ITGB3BP: variants seen among roughly 807,000 people sequenced by gnomAD.
ITGB3BP encodes the protein integrin subunit beta 3 binding protein.
A neutral mutation model predicts 29.1 loss-of-function variants in ITGB3BP; 27 were observed. The ratio of observed to expected loss-of-function variants is 0.93; its 90% CI spans 0.68 to 1.28. The LOEUF is 1.28. Ranked by LOEUF, ITGB3BP falls within the 50% of genes most tolerant of loss-of-function variation. The probability of loss-of-function intolerance (pLI) is 0.00; values close to 1 mark genes in which losing one functional copy is unlikely to be tolerated. For synonymous variants in ITGB3BP, 61 were observed against 61.4 expected (o/e 0.99, Z 0.03); for missense variants, 192 against 200.2 (o/e 0.96, Z 0.25).
At chr1:63,498,608 A>G (rs916413584) in intron 2 of ITGB3BP, among the ~76,000 whole-genome samples, 1 of 151,976 alleles carries the variant, frequency 6.6e-6, no homozygotes, top group Non-Finnish European at 1.5e-5. Flanking sequence ...TAAAAGAGAC[A>G]GCTCTCATAT....
intron 4 of ITGB3BP, among the ~76,000 whole-genome samples, chr1:63,475,541 C>A (rs1371606460): frequency 1.3e-5 from 2 of 152,068 alleles, no homozygotes. Flanking sequence ...GGTGACAGAG[C>A]ATGACTCTGT....
intron 3 of ITGB3BP, among the ~76,000 whole-genome samples, chr1:63,480,260 T>G (rs6677317): frequency 0.75 from 113,293 of 151,940 alleles, 43,890 homozygotes; most frequent in Non-Finnish European, 0.85. Context: ...AAATGTAAGT[T>G]TGTTTGATTT....
intron 7 of ITGB3BP, 90 bp downstream of exon 7, chr1:63,453,828 A>G: frequency 1.3e-6 from 1 of 750,898 alleles, no homozygotes; most frequent in East Asian, 2.5e-5. Context: ...AAAAAAGAAA[A>G]CCACTAAAAA....
At chr1:63,506,637 T>C (rs1323299549) in intron 2 of ITGB3BP, among the ~76,000 whole-genome samples, 3 of 152,282 alleles carry the variant, frequency 2.0e-5, no homozygotes, top group East Asian at 3.9e-4. Context: ...TTAATCTCCA[T>C]GAAGATCTGT....
At chr1:63,443,734 A>T (rs1644756277) in intron 8 of ITGB3BP, among the ~76,000 whole-genome samples, 1 of 152,156 alleles carries the variant, frequency 6.6e-6, no homozygotes. Context: ...TGTGGAAAGG[A>T]GAATTAAGCA....
At chr1:63,516,124 T>A (rs1426999496) in intron 1 of ITGB3BP, among the ~76,000 whole-genome samples, 1 of 149,944 alleles carries the variant, frequency 6.7e-6, no homozygotes, top group East Asian at 2.0e-4. Flanking sequence ...CTGGAATAAC[T>A]CAGAAGCAGA....
At chr1:63,446,781 C>A in intron 8 of ITGB3BP, 25 bp downstream of exon 8, 3 of 1,544,946 alleles carry the variant, frequency 1.9e-6, no homozygotes, top group Non-Finnish European at 2.7e-6. Context: ...CAAGGTTAAA[C>A]TAAATTAGAA....
At chr1:63,498,495 A>T (rs67831341) in intron 2 of ITGB3BP, among the ~76,000 whole-genome samples, 36,542 of 151,958 alleles carry the variant, frequency 0.24, 5,018 homozygotes, top group Non-Finnish European at 0.32. Flanking sequence ...TTTAAAACTT[A>T]AAAAACACAT....
At chr1:63,497,499 A>C (rs1476014437) in intron 2 of ITGB3BP, among the ~76,000 whole-genome samples, 1 of 152,176 alleles carries the variant, frequency 6.6e-6, no homozygotes, top group Non-Finnish European at 1.5e-5. Context: ...CTATAAACTT[A>C]CATCCCTTTG....
chr1:63,483,368 C>G (rs1444648883), intron 3 of ITGB3BP, among the ~76,000 whole-genome samples: 1 of 151,952 alleles, frequency 6.6e-6, no homozygotes, highest in East Asian at 1.9e-4. Flanking sequence ...GCATTTGGCC[C>G]ACACCTCAGA....
intron 7 of ITGB3BP, chr1:63,447,690 A>C (rs1418242280): frequency 4.4e-6 from 2 of 457,506 alleles, no homozygotes; most frequent in East Asian, 1.4e-4. Flanking sequence ...CAGGTGCTGG[A>C]GAGGATGTGG....
rs191570679 is a variant in ITGB3BP, at chr1:63,518,337, A to G, written c.5+4792T>C. 3.3e-5 allele frequency among the ~76,000 whole-genome samples: 5 copies of G among 152,268 alleles called. No homozygotes were observed. In the East Asian group the frequency reaches 9.6e-4, roughly 29 times the overall value. ...ATTTTCTGTATCATCTTATGCCATC[A>G]TGCTAAGTTGTATTTTTCAAGGAAT... is the stretch of plus-strand genomic sequence containing the variant. On this transcript the variant is annotated intron_variant, in intron 1 of 8. Transcript: ENST00000271002.
upstream of ITGB3BP, chr1:63,525,679 A>G (rs894224072): frequency 1.9e-6 from 3 of 1,602,542 alleles, no homozygotes; most frequent in Non-Finnish European, 2.5e-6. Flanking sequence ...GAAATATTTT[A>G]TATGAATTGT....
intron 1 of ITGB3BP, among the ~76,000 whole-genome samples, chr1:63,520,543 CT>C (rs1465057048): frequency 4.6e-5 from 7 of 152,136 alleles, no homozygotes; most frequent in African/African-American, 1.7e-4. Flanking sequence ...GAAAGCTACA[CT>C]TAGGGAGGAC....
chr1:63,524,512 C>T (rs1646544328), upstream of ITGB3BP, among the ~76,000 whole-genome samples: 1 of 152,172 alleles, frequency 6.6e-6, no homozygotes, highest in Admixed American at 6.5e-5. Context: ...GTGATTTAGG[C>T]CTCCTGAGTA....
chr1:63,519,309 G>C (rs1646399551), intron 1 of ITGB3BP, among the ~76,000 whole-genome samples: 1 of 152,008 alleles, frequency 6.6e-6, no homozygotes, highest in Admixed American at 6.5e-5. Context: ...ATAAAGTGTT[G>C]AACATCTCAT....
intron 8 of ITGB3BP, among the ~76,000 whole-genome samples, chr1:63,443,803 T>C (rs1037476399): frequency 3.3e-5 from 5 of 152,084 alleles, no homozygotes; most frequent in African/African-American, 1.2e-4. Context: ...GAGAGAGAAT[T>C]TGACCAATGG....
At chr1:63,488,008 G>A (rs1035848728) in intron 3 of ITGB3BP, among the ~76,000 whole-genome samples, 3 of 152,116 alleles carry the variant, frequency 2.0e-5, no homozygotes, top group African/African-American at 7.2e-5. Context: ...GAACGCATCT[G>A]TTAAATGTAT....
intron 2 of ITGB3BP, among the ~76,000 whole-genome samples, chr1:63,494,222 C>G (rs1645732454): frequency 6.6e-6 from 1 of 152,096 alleles, no homozygotes; most frequent in African/African-American, 2.4e-5. Flanking sequence ...TCACTGCAAC[C>G]TCTGCCTCCC....
Sources: gnomAD v4.1 joint callset for allele counts (sites outside exome capture counted in the v4.1 genomes callset) on GRCh38, gnomAD v4.1.1 for gene constraint, MANE v1.5 for transcripts, NCBI Gene and HGNC (gene_info 2026-07-23, HGNC 2026-07-21) for gene names.